FIG4: variants seen among roughly 807,000 people sequenced by gnomAD.
FIG4 encodes the protein polyphosphoinositide phosphatase.
In FIG4, 112 loss-of-function variants were observed where a neutral mutation model predicts 118.6. The ratio of observed to expected loss-of-function variants is 0.94; its 90% CI spans 0.81 to 1.11. The LOEUF (loss-of-function observed/expected upper bound fraction) is 1.11, where lower values mean the gene tolerates loss of function less well. FIG4 is among the 50% of genes least tolerant of loss of function. The pLI is 0.00. For missense variants in FIG4, 969 were observed against 1,111.7 expected (o/e 0.87, Z 1.83); for synonymous variants, 369 against 381.2 (o/e 0.97, Z 0.37).
chr6:109,766,941 A>G, intron 15 of FIG4, 46 bp downstream of exon 15: 1 of 1,495,672 alleles, frequency 6.7e-7, no homozygotes, highest in Non-Finnish European at 9.3e-7. Context: ...TCTGAAGTGC[A>G]TTTTTTGTAT....
At chr6:109,709,660 G>A (rs1331393970) in intron 1 of FIG4, among the ~76,000 whole-genome samples, 1 of 151,740 alleles carries the variant, frequency 6.6e-6, no homozygotes, top group Non-Finnish European at 1.5e-5. Context: ...TGTAGTTCTT[G>A]TAGAGATCTT....
intron 16 of FIG4, among the ~76,000 whole-genome samples, chr6:109,780,385 G>A (rs971289486): frequency 2.6e-5 from 4 of 152,080 alleles, no homozygotes; most frequent in Non-Finnish European, 4.4e-5. Flanking sequence ...GCTAATTTTT[G>A]TATTTTTGGT....
rs151287838 is a variant in FIG4 at position 109,768,422 on chromosome 6, G to A, written c.1750+1527G>A. ...TGCAAAGCTGGTCTGTTATGCTCCT[G>A]TCCAACTGTATTAGTTTTCTGCGCT... On this transcript the variant is annotated intron_variant, in intron 15 of 22. Transcript: ENST00000230124. Among the ~76,000 whole-genome samples, 5 of 152,310 alleles carry A rather than the reference G, an allele frequency of 3.3e-5. No individual in the cohort carries two copies. The East Asian group carries it at 9.6e-4, about 29-fold the overall frequency.
intron 18 of FIG4, among the ~76,000 whole-genome samples, chr6:109,787,937 G>T (rs973554483): frequency 6.6e-6 from 1 of 152,078 alleles, no homozygotes; most frequent in African/African-American, 2.4e-5. Context: ...TTCAACTTAC[G>T]ATTTTTCAGC....
chr6:109,797,449 G>A (rs568472457), intron 22 of FIG4, among the ~76,000 whole-genome samples: 19 of 152,156 alleles, frequency 1.2e-4, no homozygotes, highest in Non-Finnish European at 2.2e-4. Context: ...TTAGAGTAGT[G>A]TCTAGAATAC....
At chr6:109,722,359 A>G (rs1192718437) in intron 3 of FIG4, among the ~76,000 whole-genome samples, 1 of 152,128 alleles carries the variant, frequency 6.6e-6, no homozygotes, top group Non-Finnish European at 1.5e-5. Flanking sequence ...TTTCCATTAT[A>G]GATTTCAGCT....
chr6:109,794,060 G>A (rs1778210643), intron 21 of FIG4, among the ~76,000 whole-genome samples: 1 of 152,210 alleles, frequency 6.6e-6, no homozygotes, highest in Non-Finnish European at 1.5e-5. Flanking sequence ...TTATTGCAGA[G>A]GGAATGAGTG....
At chr6:109,795,098 T>G (rs1055592463) in intron 21 of FIG4, among the ~76,000 whole-genome samples, 295 of 21,108 alleles carry the variant, frequency 0.014, 2 homozygotes, top group African/African-American at 0.11. Flanking sequence ...CTTGCCAGTT[T>G]TTTTTTTTTT....
rs181193592 is a variant in FIG4 at position 109,726,563 on chromosome 6, G to A, written c.290-546G>A. The stretch of plus-strand genomic sequence containing the variant: ...CCTCCAGCTTTGTTCTTTTTGCTTA[G>A]GATTGTCTTGGTGTCTTGGCTATGA... On this transcript the variant is annotated intron_variant, in intron 3 of 22. Coordinates refer to ENST00000230124, the MANE Select transcript of FIG4 (RefSeq NM_014845.6). 2.1e-4 allele frequency among the ~76,000 whole-genome samples: 32 copies of A among 152,162 alleles called. No homozygotes were observed. The East Asian group carries it at 4.4e-3, about 21-fold the overall frequency.
chr6:109,788,004 A>T (rs758730005), intron 18 of FIG4, among the ~76,000 whole-genome samples: 14 of 152,174 alleles, frequency 9.2e-5, no homozygotes, highest in African/African-American at 2.2e-4. Context: ...CGAATTTTGA[A>T]TTTTGATTCA....
chr6:109,784,172 T>G (rs1292347236), intron 16 of FIG4, among the ~76,000 whole-genome samples: 1 of 152,210 alleles, frequency 6.6e-6, no homozygotes, highest in Non-Finnish European at 1.5e-5. Flanking sequence ...TAAAAAATTC[T>G]TCTCCTTCCT....
At chr6:109,768,815 C>T (rs957596776) in intron 15 of FIG4, among the ~76,000 whole-genome samples, 3 of 152,130 alleles carry the variant, frequency 2.0e-5, no homozygotes, top group Admixed American at 6.5e-5. Context: ...ACATCCATTT[C>T]CTAGGGCTGC....
At chr6:109,734,900 A>T (rs1776114579) in intron 5 of FIG4, among the ~76,000 whole-genome samples, 1 of 152,194 alleles carries the variant, frequency 6.6e-6, no homozygotes, top group African/African-American at 2.4e-5. Context: ...CAAATCAAAT[A>T]ACGTAGGTTA....
chr6:109,719,617 C>T (rs1445900140), intron 3 of FIG4, among the ~76,000 whole-genome samples: 2 of 151,970 alleles, frequency 1.3e-5, no homozygotes, highest in Non-Finnish European at 2.9e-5. Flanking sequence ...TGGCCTCAAA[C>T]TGCTGAGCAC....
At chr6:109,727,059 G>A (rs199855286) in intron 3 of FIG4, 50 bp from the exon 4 acceptor site, 13 of 1,415,470 alleles carry the variant, frequency 9.2e-6, no homozygotes, top group Non-Finnish European at 1.1e-5. Flanking sequence ...GCATCTAAAA[G>A]CCATTACTAA....
At position 109,700,431 on chromosome 6, in the gene FIG4, GA is replaced by G. The variant is rs903441887; in HGVS notation, c.66+8936del. On this transcript the variant is annotated intron_variant, in intron 1 of 22. Transcript: ENST00000230124. ...GCTCACTAAAAAGAAGTTTGAATAT[GA>G]AAAAATGTTCAACTTGCAAATAATT... Among the ~76,000 whole-genome samples the G allele has an allele frequency of 2.5e-4, 38 of 152,118 alleles. 1 individual carries two copies. The highest frequency in any genetic ancestry group is 5.3e-4 in the Non-Finnish European group (36 of 68,006).
In FIG4 at chr6:109,713,292, G is replaced by T. The variant is rs139447307; in HGVS notation, c.67-1786G>T. ...CTCCATGTGGGCATTCACAGCAGCAGCAGAGGCAGCATGGCTGAGGGGGCG... is the reference window on the plus strand; with the variant it reads ...CTCCATGTGGGCATTCACAGCAGCATCAGAGGCAGCATGGCTGAGGGGGCG... On this transcript the variant is annotated intron_variant, in intron 1 of 22. Coordinates refer to ENST00000230124, the MANE Select transcript of FIG4 (RefSeq NM_014845.6). 1.1e-4 allele frequency among the ~76,000 whole-genome samples: 16 copies of T among 152,366 alleles called. No individual in the cohort carries two copies. In the East Asian group the frequency reaches 3.1e-3, roughly 29 times the overall value.
intron 22 of FIG4, among the ~76,000 whole-genome samples, chr6:109,822,904 G>T (rs1398246662): frequency 6.8e-6 from 1 of 147,426 alleles, no homozygotes; most frequent in African/African-American, 2.5e-5. Flanking sequence ...TATATATATA[G>T]TGTGTGTGTA....
chr6:109,804,483 A>G (rs1360658936), intron 22 of FIG4, among the ~76,000 whole-genome samples: 2 of 152,186 alleles, frequency 1.3e-5, no homozygotes, highest in Non-Finnish European at 2.9e-5. Flanking sequence ...TGGCTGAAAT[A>G]CAAGAAAACA....
Sources: gnomAD v4.1 joint callset for allele counts (sites outside exome capture counted in the v4.1 genomes callset) on GRCh38, gnomAD v4.1.1 for gene constraint, MANE v1.5 for transcripts, NCBI Gene and HGNC (gene_info 2026-07-23, HGNC 2026-07-21) for gene names.